DST: variants seen among roughly 807,000 people sequenced by gnomAD.
The protein encoded by DST is dystonin, also known as bullous pemphigoid antigen.
In DST, 253 loss-of-function variants were observed where a neutral mutation model predicts 875.2. The ratio of observed to expected loss-of-function variants is 0.29; its 90% confidence interval spans 0.26 to 0.32. DST has a LOEUF of 0.32. DST is among the 10% of genes least tolerant of loss of function. DST has a pLI of 1.00. For synonymous variants in DST, 3,124 were observed against 3,197.1 expected (o/e 0.98, Z 0.77); for missense variants, 8,287 against 9,111.6 (o/e 0.91, Z 3.68).
intron 69 of DST, among the ~76,000 whole-genome samples, chr6:56,520,040 G>A (rs1245084241): frequency 6.6e-6 from 1 of 151,968 alleles, no homozygotes; most frequent in African/African-American, 2.4e-5. Context: ...TCTCAGCAAA[G>A]AAAAAGAATA....
chr6:56,588,873 C>G (rs2098215645), intron 49 of DST, among the ~76,000 whole-genome samples: 1 of 152,120 alleles, frequency 6.6e-6, no homozygotes, highest in African/African-American at 2.4e-5. Context: ...GCCAAAGAAT[C>G]CTCATCAGAG....
Position 56,608,333 on chromosome 6 carries a change from T to C in DST, c.6295A>G (p.Lys2099Glu). 1 of 1,612,906 alleles carries C rather than the reference T, an allele frequency of 6.2e-7. No homozygotes were observed. The highest frequency in any genetic ancestry group is 8.5e-7 in the Non-Finnish European group (1 of 1,179,792). ...QELITNELAYKILNGRQKIAA... is the reference protein window; with the variant it reads ...QELITNELAYEILNGRQKIAA... ...ATTTTTTGTCTGCCATTCAGGATTT[T>C]GTAGGCCAATTCATTTGTAATCAAT... is the stretch of plus-strand genomic sequence containing the variant. The change falls in exon 40 of 104, where the codon AAA becomes GAA. Residue 2099 changes from lysine (K) to glutamate (E), a missense_variant. Transcript: ENST00000680361.
chr6:56,782,862 G>A (rs972923938), intron 4 of DST, among the ~76,000 whole-genome samples: 6 of 152,008 alleles, frequency 3.9e-5, no homozygotes, highest in Non-Finnish European at 7.4e-5. Context: ...TGGGCATTTA[G>A]TGCTATAAAT....
chr6:56,591,728 T>C (rs936863913), intron 49 of DST, among the ~76,000 whole-genome samples: 4 of 152,040 alleles, frequency 2.6e-5, no homozygotes, highest in African/African-American at 9.7e-5. Context: ...ATCCCAGCAC[T>C]TTGGGAGGCT....
Position 56,529,597 on chromosome 6 carries a change from G to A in DST, c.17446C>T (p.Leu5816Phe). 2 of 1,613,772 alleles carry A rather than the reference G, an allele frequency of 1.2e-6. No individual in the cohort carries two copies. Among genetic ancestry groups the A allele is most frequent in the East Asian group, 2.2e-5 (1 of 44,864 alleles). Residue 5816 changes from leucine (L) to phenylalanine (F), a missense_variant, in exon 66 of 104, where the codon CTC (leucine) becomes TTC (phenylalanine). Physicochemically the swap from Leu to Phe is conservative, Grantham distance 22 (BLOSUM62 0). Transcript: ENST00000680361. ...QEKSHSRSELLQQALCNAKIF... is the reference protein window; with the variant it reads ...QEKSHSRSELFQQALCNAKIF... The stretch of plus-strand genomic sequence containing the variant: ...TTAGCATTACATAAGGCCTGCTGGA[G>A]GAGCTCAGACCTGCTGTGACTTTTC...
At chr6:56,536,704 A>C in intron 62 of DST, 75 bp downstream of exon 62, 1 of 1,392,084 alleles carries the variant, frequency 7.2e-7, no homozygotes, top group Non-Finnish European at 9.5e-7. Flanking sequence ...GCTACCACAA[A>C]TATGATTCAT....
In DST at chr6:56,851,745, G is replaced by A. The variant is rs1188175607; in HGVS notation, c.418-141C>T. Reference sequence around the variant, plus strand: ...CATATCCTGCACCATCCTCGGAGCTGAGGGAATATGCAGAAACCAAAAAAA... The same window carrying A: ...CATATCCTGCACCATCCTCGGAGCTAAGGGAATATGCAGAAACCAAAAAAA... On this transcript the variant is annotated intron_variant, in intron 3 of 103. Transcript: ENST00000680361. 11 of 1,551,684 alleles carry A rather than the reference G, an allele frequency of 7.1e-6. No individual in the cohort carries two copies. In the East Asian group the frequency reaches 2.4e-4, roughly 34 times the overall value.
At position 56,608,883 on chromosome 6, in the gene DST, A is replaced by G. The variant is rs1227094960; in HGVS notation, c.5745T>C (p.Asn1915=). 2 of 1,613,680 alleles carry G rather than the reference A, an allele frequency of 1.2e-6. No homozygotes were observed. Among genetic ancestry groups the G allele is most frequent in the Non-Finnish European group, 1.7e-6 (2 of 1,179,768 alleles). Residue 1915 remains asparagine, a synonymous_variant, in exon 40 of 104, where the codon AAT becomes AAC. Coordinates refer to ENST00000680361, the MANE Select transcript of DST (RefSeq NM_001374736.1). Reference sequence around the variant, plus strand: ...AGGGGTCAATAAGATCTTTGCACATATTTTGCCTTTCCAGAACTTTAGAAA... The same window carrying G: ...AGGGGTCAATAAGATCTTTGCACATGTTTTGCCTTTCCAGAACTTTAGAAA... ...ALFSKVLERQ[N]MCKDLIDPCT...
chr6:56,635,310 A>G (rs2098814132), intron 24 of DST, among the ~76,000 whole-genome samples: 1 of 152,148 alleles, frequency 6.6e-6, no homozygotes, highest in South Asian at 2.1e-4. Flanking sequence ...GGATATATTA[A>G]GAACTTAAAA....
At chr6:56,473,222 C>T (rs548865284) in intron 93 of DST, among the ~76,000 whole-genome samples, 2 of 152,196 alleles carry the variant, frequency 1.3e-5, no homozygotes, top group Non-Finnish European at 2.9e-5. Flanking sequence ...AATAGTTTAC[C>T]TTGTCTCCTT....
chr6:56,777,882 T>C (rs1429801868), intron 4 of DST, among the ~76,000 whole-genome samples: 1 of 151,964 alleles, frequency 6.6e-6, no homozygotes, highest in Non-Finnish European at 1.5e-5. Flanking sequence ...GTTTCTGTTT[T>C]TGTAGAGATG....
At chr6:56,759,106 T>G (rs1421709176) in intron 4 of DST, among the ~76,000 whole-genome samples, 4 of 152,232 alleles carry the variant, frequency 2.6e-5, no homozygotes, top group Non-Finnish European at 4.4e-5. Flanking sequence ...CCACTATTAT[T>G]GTGGGTCACT....
intron 2 of DST, among the ~76,000 whole-genome samples, chr6:56,929,036 C>T (rs939188351): frequency 1.3e-5 from 2 of 151,918 alleles, no homozygotes; most frequent in Non-Finnish European, 2.9e-5. Flanking sequence ...TGGAATTAGA[C>T]AACCCAATTC....
chr6:56,605,639 T>C lies in DST; in HGVS notation c.8989A>G (p.Ile2997Val), dbSNP rs764704826. ...ATTAAATCAGGCTCAGTACAAATGA[T>C]GTGATCAAGAGATGAGTCAACTTTT... The part of the protein sequence containing the change: ...TPKVDSSLDH[I>V]ICTEPDLIGK... The change falls in exon 40 of 104, where the codon ATC becomes GTC. Residue 2997 changes from isoleucine to valine, a missense_variant. Physicochemically the swap from Ile to Val is conservative, Grantham distance 29. This residue lies in a region of DST where 3,138 missense variants were observed against 3,116.6 expected (regional missense o/e 1.01). Coordinates refer to ENST00000680361, the MANE Select transcript of DST (RefSeq NM_001374736.1). The C allele has an allele frequency of 8.1e-6, 13 of 1,613,030 alleles. No individual in the cohort carries two copies. In the South Asian group the frequency reaches 1.3e-4, roughly 16 times the overall value.
At chr6:56,699,228 TTTA>T (rs1433382788) in intron 9 of DST, among the ~76,000 whole-genome samples, 1 of 152,202 alleles carries the variant, frequency 6.6e-6, no homozygotes, top group Non-Finnish European at 1.5e-5. Flanking sequence ...TTCACATCTC[TTTA>T]TAATTATGCT....
At chr6:56,800,081 C>T (rs1326931362) in intron 4 of DST, among the ~76,000 whole-genome samples, 1 of 152,124 alleles carries the variant, frequency 6.6e-6, no homozygotes, top group African/African-American at 2.4e-5. Flanking sequence ...CCTGCTTTAT[C>T]GTGGAGGTTT....
Position 56,572,775 on chromosome 6 carries a change from T to C in DST, c.13526A>G (p.Asp4509Gly). The change falls in exon 52 of 104, where the codon GAT becomes GGT. Residue 4509 changes from aspartate (D) to glycine (G), a missense_variant. By Grantham distance (94) the Asp-to-Gly change is moderately conservative (BLOSUM62 -1). Coordinates refer to ENST00000680361, the MANE Select transcript of DST (RefSeq NM_001374736.1). The stretch of plus-strand genomic sequence containing the variant: ...CATATACTGAGACAATTCAGTAACA[T>C]CTTTTCCTGGCACATCTACTTCAGT... ...ALTEVDVPGK[D>G]VTELSQYMQE... 1.9e-6 allele frequency: 3 copies of C among 1,602,682 alleles called. No individual in the cohort carries two copies. The highest frequency in any genetic ancestry group is 2.6e-6 in the Non-Finnish European group (3 of 1,175,422).
At chr6:56,813,217 C>T (rs1319630385) in intron 4 of DST, among the ~76,000 whole-genome samples, 4 of 122,636 alleles carry the variant, frequency 3.3e-5, no homozygotes, top group Non-Finnish European at 6.4e-5. Flanking sequence ...GGGAACATCA[C>T]ACTCTGGGGA....
chr6:56,563,188 T>A (rs1166796198), intron 55 of DST, among the ~76,000 whole-genome samples: 9 of 152,222 alleles, frequency 5.9e-5, no homozygotes, highest in Non-Finnish European at 1.2e-4. Flanking sequence ...GTTGAACTAA[T>A]TTACACTCCC....
Sources: gnomAD v4.1 joint callset for allele counts (sites outside exome capture counted in the v4.1 genomes callset) on GRCh38, gnomAD v4.1.1 for gene constraint, gnomAD v4.1.1 regional missense constraint, MANE v1.5 for transcripts, NCBI Gene and HGNC (gene_info 2026-07-23, HGNC 2026-07-21) for gene names.